The following GVQW3 variants were observed in gnomAD, a reference collection of about 807,000 sequenced individuals.
GVQW3 encodes GVQW motif containing 3, also known as protein GVQW3.
In GVQW3, 7 loss-of-function variants were observed where a neutral mutation model predicts 12.5. That is an observed-to-expected ratio of 0.56 (90% CI 0.32 to 1.05). The LOEUF is 1.05. GVQW3 is among the 50% of genes least tolerant of loss of function. The pLI is 0.04. For missense variants in GVQW3, 188 were observed against 190.8 expected (o/e 0.99, Z 0.09); for synonymous variants, 71 against 67.2 (o/e 1.06, Z -0.28).
chr11:76,398,557 C>T (rs1437030021), intron 1 of GVQW3, among the ~76,000 whole-genome samples: 1 of 152,172 alleles, frequency 6.6e-6, no homozygotes, highest in African/African-American at 2.4e-5. Flanking sequence ...AGGTGATCCG[C>T]CTGCCATGGC....
rs978632976 is a variant in GVQW3 at position 76,403,883 on chromosome 11, G to A, written c.*125G>A. ...AGATGGATGTCACAGCTCAAGAAGC[G>A]AGAACAAATTTGCCCTTCTATCTTT... On this transcript the variant is annotated 3_prime_UTR_variant, in exon 2 of 2. Transcript: ENST00000529331. The A allele has an allele frequency of 1.6e-5, 11 of 700,894 alleles. No homozygotes were observed. The highest frequency in any genetic ancestry group is 1.0e-4 in the Admixed American group (5 of 49,844). The allele number at this position is 700,894 out of a possible 1,614,324, so 43.4% of individuals were successfully genotyped here. A position where few individuals can be genotyped will look rare whatever the true frequency, so the allele number is the denominator to read the frequency against.
At chr11:76,400,418 T>C (rs570117370) in intron 1 of GVQW3, among the ~76,000 whole-genome samples, 9 of 150,194 alleles carry the variant, frequency 6.0e-5, no homozygotes, top group Non-Finnish European at 8.9e-5. Context: ...CTGGCCCTTT[T>C]TTTGTTTGTT....
At chr11:76,391,760 C>T (rs998846837) in intron 1 of GVQW3, among the ~76,000 whole-genome samples, 9 of 152,068 alleles carry the variant, frequency 5.9e-5, no homozygotes, top group African/African-American at 2.2e-4. Flanking sequence ...TCGAGACCAA[C>T]CTGGCCAACA....
chr11:76,382,121 AT>A lies in GVQW3; in HGVS notation c.296del (p.Leu99Ter). 1.3e-6 allele frequency: 2 copies of A among 1,536,506 alleles called. No individual in the cohort carries two copies. The part of the protein sequence containing the change: ...LTVRMMAEEL[N>X]LDKETVRLIL... Reference sequence around the variant, plus strand: ...GTGAGGATGATGGCTGAAGAGTTAAATTTAGACAAAGAAACTGTTAGGCTCA... The same window carrying A: ...GTGAGGATGATGGCTGAAGAGTTAAATTAGACAAAGAAACTGTTAGGCTCA... On this transcript the variant is annotated frameshift_variant, in exon 1 of 2. Coordinates refer to ENST00000529331, the MANE Select transcript of GVQW3 (RefSeq NM_001347885.2). LOFTEE classifies it high-confidence loss of function.
chr11:76,397,953 T>C (rs181060575), intron 1 of GVQW3, among the ~76,000 whole-genome samples: 1 of 151,932 alleles, frequency 6.6e-6, no homozygotes, highest in South Asian at 2.1e-4. Context: ...CTGGCCAACA[T>C]GGTGAAACCC....
At chr11:76,383,506 T>A (rs1340894816) in intron 1 of GVQW3, 1 of 152,050 alleles carries the variant, frequency 6.6e-6, no homozygotes, top group Non-Finnish European at 1.5e-5. Context: ...ACTGGCCAGG[T>A]GTGGTGAATC....
At chr11:76,397,354 T>G (rs1231684575) in intron 1 of GVQW3, among the ~76,000 whole-genome samples, 2 of 152,216 alleles carry the variant, frequency 1.3e-5, no homozygotes, top group African/African-American at 4.8e-5. Context: ...ATCTACCACA[T>G]TCTATTTATT....
chr11:76,389,255 G>T (rs1565242580), intron 1 of GVQW3, among the ~76,000 whole-genome samples: 1 of 152,178 alleles, frequency 6.6e-6, no homozygotes, highest in African/African-American at 2.4e-5. Context: ...AGATGGAAAG[G>T]ATATGCAAAC....
chr11:76,393,703 ATTCT>A (rs1946914480), intron 1 of GVQW3, among the ~76,000 whole-genome samples: 1 of 151,146 alleles, frequency 6.6e-6, no homozygotes, highest in Admixed American at 6.6e-5. Flanking sequence ...TAAAATGCAC[ATTCT>A]TTAATTTTTT....
downstream of GVQW3, among the ~76,000 whole-genome samples, chr11:76,409,295 A>G (rs1947066734): frequency 6.6e-6 from 1 of 152,218 alleles, no homozygotes; most frequent in Admixed American, 6.5e-5. Flanking sequence ...AGTAGGAGAG[A>G]TATAAAATAA....
At chr11:76,390,670 G>GA (rs970946589) in intron 1 of GVQW3, among the ~76,000 whole-genome samples, 11 of 151,888 alleles carry the variant, frequency 7.2e-5, no homozygotes, top group African/African-American at 2.2e-4. Context: ...AAAAAAATAC[G>GA]AAAAAAATTA....
intron 1 of GVQW3, among the ~76,000 whole-genome samples, chr11:76,402,588 A>G (rs1947001865): frequency 6.6e-6 from 1 of 152,042 alleles, no homozygotes; most frequent in Admixed American, 6.6e-5. Flanking sequence ...TAATTCATCC[A>G]GCACCTCCAT....
In GVQW3 at chr11:76,404,696, AG is replaced by A. The variant is rs2134564760; in HGVS notation, c.*940del. On this transcript the variant is annotated 3_prime_UTR_variant, in exon 2 of 2. Transcript: ENST00000529331. ...AGAAGGAGGAAGCCCAGGCCATGGC[AG>A]GACTTACCTGTTGAGTCCTGCTGGG... 1 of 152,420 alleles carries A rather than the reference AG, an allele frequency of 6.6e-6. No homozygotes were observed. Among genetic ancestry groups the A allele is most frequent in the African/African-American group, 2.4e-5 (1 of 41,594 alleles). 9.4% of individuals were successfully genotyped at this position (152,420 alleles called of 1,614,324 possible).
In GVQW3 at chr11:76,381,795, C is replaced by A. The variant is rs918015243; in HGVS notation, c.-34C>A. 6.7e-6 allele frequency: 10 copies of A among 1,484,334 alleles called. No homozygotes were observed. The highest frequency in any genetic ancestry group is 8.9e-6 in the Non-Finnish European group (10 of 1,122,804). 91.9% of individuals were successfully genotyped at this position (1,484,334 alleles called of 1,614,324 possible). On this transcript the variant is annotated 5_prime_UTR_variant, in exon 1 of 2. Coordinates refer to ENST00000529331, the MANE Select transcript of GVQW3 (RefSeq NM_001347885.2). ...GTCCGTCTTTCCCTTACAGTCGTGG[C>A]CTGTTAAACGTTCCTGTGTTGTTCA...
chr11:76,411,336 G>A (rs1947078350), downstream of GVQW3: 1 of 152,406 alleles, frequency 6.6e-6, no homozygotes, highest in South Asian at 2.1e-4. Flanking sequence ...GGAGCTGGGA[G>A]TCATCCATGG....
downstream of GVQW3, among the ~76,000 whole-genome samples, chr11:76,410,439 T>G (rs890084029): frequency 4.0e-5 from 6 of 151,824 alleles, no homozygotes; most frequent in East Asian, 1.9e-4. Context: ...GTTTTGTTTT[T>G]TTTTTTACTT....
At position 76,406,458 on chromosome 11, in the gene GVQW3, C is replaced by T. The variant is rs1471473783; in HGVS notation, c.*2700C>T. On this transcript the variant is annotated 3_prime_UTR_variant, in exon 2 of 2. Coordinates refer to ENST00000529331, the MANE Select transcript of GVQW3 (RefSeq NM_001347885.2). ...CTGATGATGCCACTACTGCCCAGAA[C>T]TCCTCTGGGACTCTTTGCAAGTTGC... The T allele has an allele frequency of 6.6e-6, 1 of 152,214 alleles. No individual in the cohort carries two copies. Among genetic ancestry groups the T allele is most frequent in the African/African-American group, 2.4e-5 (1 of 41,442 alleles). 9.4% of individuals were successfully genotyped at this position (152,214 alleles called of 1,614,324 possible).
intron 1 of GVQW3, among the ~76,000 whole-genome samples, chr11:76,402,089 C>G (rs1565247319): frequency 6.6e-6 from 1 of 152,140 alleles, no homozygotes. Context: ...ATCTCCTACT[C>G]CTTAGTGTGC....
intron 1 of GVQW3, chr11:76,383,105 G>T (rs1946795548): frequency 6.6e-6 from 1 of 152,308 alleles, no homozygotes; most frequent in Non-Finnish European, 1.5e-5. Context: ...ACTCATTTGG[G>T]TATCACCCCT....
Sources: allele counts gnomAD v4.1 joint callset (sites outside exome capture counted in the v4.1 genomes callset), GRCh38; gene constraint gnomAD v4.1.1; transcripts MANE v1.5; gene names NCBI Gene and HGNC (gene_info 2026-07-23, HGNC 2026-07-21).